The following ATG16L1 variants were observed in gnomAD, a reference collection of about 807,000 sequenced individuals.
ATG16L1 encodes the protein autophagy-related protein 16-1.
In ATG16L1, 37 loss-of-function variants were observed where a neutral mutation model predicts 88.5. That is an observed-to-expected ratio of 0.42 (90% confidence interval 0.32 to 0.55). The LOEUF is 0.55. Ranked by LOEUF, ATG16L1 falls within the 20% of genes least tolerant of loss-of-function variation. ATG16L1 has a pLI of 0.13. For synonymous variants in ATG16L1, 301 were observed against 281.0 expected (o/e 1.07, Z -0.71); for missense variants, 554 against 752.8 (o/e 0.74, Z 3.09).
intron 8 of ATG16L1, chr2:233,274,151 A>G: frequency 4.2e-6 from 5 of 1,178,182 alleles, no homozygotes; most frequent in Non-Finnish European, 6.1e-6. Flanking sequence ...GCTAACGAGG[A>G]TGCTTTGCAT....
chr2:233,288,389 C>G (rs1237366548), intron 12 of ATG16L1, among the ~76,000 whole-genome samples: 3 of 152,128 alleles, frequency 2.0e-5, no homozygotes, highest in Non-Finnish European at 4.4e-5. Context: ...TCAAGCAGTC[C>G]TCTCACCTCA....
intron 4 of ATG16L1, 116 bp from the exon 5 acceptor site, chr2:233,264,776 G>A: frequency 7.3e-7 from 1 of 1,361,530 alleles, no homozygotes; most frequent in African/African-American, 1.4e-5. Flanking sequence ...ATGGGGATGG[G>A]CCTGGCTAAA....
chr2:233,293,292 G>T lies in ATG16L1; in HGVS notation c.1665G>T (p.Glu555Asp), dbSNP rs1039413953. ...GTTACGTGGCGGCAGGCTCTGCTGA[G>T]GGCTCTCTGTATATCTGGAGTGTGC... is the stretch of plus-strand genomic sequence containing the variant. ...DGSYVAAGSA[E>D]GSLYIWSVLT... Residue 555 changes from glutamate to aspartate, a missense_variant, in exon 17 of 18, where the codon GAG becomes GAT. Coordinates refer to ENST00000392017, the MANE Select transcript of ATG16L1 (RefSeq NM_030803.7). 1 of 1,614,178 alleles carries T rather than the reference G, an allele frequency of 6.2e-7. No homozygotes were observed. The highest frequency in any genetic ancestry group is 1.1e-5 in the South Asian group (1 of 91,078).
At chr2:233,252,109 A>G (rs1696414468) in intron 1 of ATG16L1, among the ~76,000 whole-genome samples, 167 bp downstream of exon 1, 1 of 152,196 alleles carries the variant, frequency 6.6e-6, no homozygotes, top group Non-Finnish European at 1.5e-5. Context: ...TGTTTTTTCT[A>G]ACCTGCGTTT....
chr2:233,253,344 T>TTTTG (rs1553602865), intron 1 of ATG16L1, among the ~76,000 whole-genome samples: 13 of 122,972 alleles, frequency 1.1e-4, no homozygotes, highest in Non-Finnish European at 2.4e-4. Context: ...TTTTTTGTTT[T>TTTTG]TTTTTTTTTT....
chr2:233,264,076 A>G lies in ATG16L1; in HGVS notation c.389+11A>G, dbSNP rs1559383613. ...GATGAATGAAGCAAAGTGAGTAGAG[A>G]CCCCGCCTCCTTGGAGCCTGGTCAT... On this transcript the variant is annotated intron_variant, in intron 4 of 17. Transcript: ENST00000392017. 1 of 1,613,676 alleles carries G rather than the reference A, an allele frequency of 6.2e-7. No homozygotes were observed. Among genetic ancestry groups the G allele is most frequent in the Non-Finnish European group, 8.5e-7 (1 of 1,179,750 alleles).
chr2:233,292,079 A>C (rs947067309), intron 14 of ATG16L1, 49 bp from the exon 15 acceptor site: 4 of 1,596,164 alleles, frequency 2.5e-6, no homozygotes, highest in Non-Finnish European at 3.4e-6. Flanking sequence ...GCATGATGTG[A>C]AGTAGTTCTG....
In ATG16L1 at chr2:233,263,218, C is replaced by T. The variant is rs763914303; in HGVS notation, c.298C>T (p.His100Tyr). The T allele has an allele frequency of 6.2e-7, 1 of 1,613,808 alleles. No homozygotes were observed. Among genetic ancestry groups the T allele is most frequent in the Non-Finnish European group, 8.5e-7 (1 of 1,179,912 alleles). Residue 100 changes from histidine (H) to tyrosine (Y), a missense_variant, in exon 3 of 18, where the codon CAC (histidine) becomes TAC (tyrosine). By Grantham distance (83) the His-to-Tyr change is moderately conservative. This residue lies in a region of ATG16L1 where 11 missense variants were observed against 32.1 expected (regional missense o/e 0.34). Transcript: ENST00000392017. ...GCACCAAGAGGAACTGACTGAATTACACAAGAAACGTGGGGAGGTAAAGCT... is the reference window on the plus strand; with the variant it reads ...GCACCAAGAGGAACTGACTGAATTATACAAGAAACGTGGGGAGGTAAAGCT... ...IKHQEELTEL[H>Y]KKRGELAQLV...
chr2:233,279,939 T>C (rs898912120), intron 10 of ATG16L1, among the ~76,000 whole-genome samples: 2 of 152,228 alleles, frequency 1.3e-5, no homozygotes, highest in Non-Finnish European at 2.9e-5. Flanking sequence ...TTTCTTAGAA[T>C]TTGCAGTAAT....
chr2:233,292,316 C>G, intron 15 of ATG16L1, 39 bp downstream of exon 15: 1 of 1,611,400 alleles, frequency 6.2e-7, no homozygotes, highest in Non-Finnish European at 8.5e-7. Flanking sequence ...GACCAGAGGC[C>G]CAGCCCTGCT....
chr2:233,275,732 A>C (rs762306930), intron 9 of ATG16L1: 2 of 519,098 alleles, frequency 3.9e-6, no homozygotes, highest in Non-Finnish European at 7.7e-6. Context: ...GCAGAGGTCG[A>C]TGATGATTGG....
chr2:233,292,794 G>A (rs1559416967), intron 16 of ATG16L1, among the ~76,000 whole-genome samples: 1 of 152,246 alleles, frequency 6.6e-6, no homozygotes, highest in Admixed American at 6.5e-5. Context: ...GCTTTTTGGA[G>A]AAGGGTGTGC....
In ATG16L1 at chr2:233,290,364, C is replaced by T. The variant is rs764134246; in HGVS notation, c.1430+11C>T. On this transcript the variant is annotated intron_variant, in intron 14 of 17. Coordinates refer to ENST00000392017, the MANE Select transcript of ATG16L1 (RefSeq NM_030803.7). ...TTTCTGGGACATTCGGTATGATACC[C>T]AAGCTCCTGACTGGAGGCACATAAG... 1.2e-6 allele frequency: 2 copies of T among 1,602,684 alleles called. No homozygotes were observed. Among genetic ancestry groups the T allele is most frequent in the South Asian group, 1.1e-5 (1 of 90,856 alleles).
chr2:233,292,524 G>T, intron 16 of ATG16L1, 90 bp downstream of exon 16: 2 of 1,512,364 alleles, frequency 1.3e-6, no homozygotes, highest in Non-Finnish European at 9.1e-7. Context: ...GCTAAATTTT[G>T]TTCAGTGCCC....
intron 1 of ATG16L1, among the ~76,000 whole-genome samples, chr2:233,254,969 GTTTA>G (rs36078120): frequency 0.43 from 64,965 of 150,150 alleles, 14,740 homozygotes; most frequent in Non-Finnish European, 0.52. Context: ...CATTTCATTT[GTTTA>G]TTTATTTATT....
intron 12 of ATG16L1, among the ~76,000 whole-genome samples, chr2:233,289,408 T>TGTGAGAGA (rs144316394): frequency 3.3e-5 from 5 of 149,536 alleles, no homozygotes; most frequent in African/African-American, 1.2e-4. Flanking sequence ...TGTGTGTGTG[T>TGTGAGAGA]GACAGGATCT....
chr2:233,277,513 C>T, intron 9 of ATG16L1, 55 bp from the exon 10 acceptor site: 1 of 1,533,350 alleles, frequency 6.5e-7, no homozygotes. Context: ...GTTCGCGCAT[C>T]TTGAGCTCTT....
At chr2:233,273,932 T>G in intron 8 of ATG16L1, 155 bp downstream of exon 8, 1 of 1,536,442 alleles carries the variant, frequency 6.5e-7, no homozygotes, top group Admixed American at 2.0e-5. Context: ...CTTCCTTTTT[T>G]CCTCAACTTC....
chr2:233,289,672 G>GT (rs1699328831), intron 12 of ATG16L1, among the ~76,000 whole-genome samples, 182 bp from the exon 13 acceptor site: 1 of 152,186 alleles, frequency 6.6e-6, no homozygotes, highest in Non-Finnish European at 1.5e-5. Flanking sequence ...GATTGCAGGC[G>GT]TGAGTCACTG....
Sources: allele counts gnomAD v4.1 joint callset (sites outside exome capture counted in the v4.1 genomes callset), GRCh38; gene constraint gnomAD v4.1.1; regional missense constraint gnomAD v4.1.1; transcripts MANE v1.5; gene names NCBI Gene and HGNC (gene_info 2026-07-23, HGNC 2026-07-21).